MYT1L: variants seen among roughly 807,000 people sequenced by gnomAD.
MYT1L encodes the protein myelin transcription factor 1-like protein.
In MYT1L, 12 loss-of-function variants were observed where a neutral mutation model predicts 126.7. The ratio of observed to expected loss-of-function variants is 0.09; its 90% CI spans 0.06 to 0.15. The LOEUF (loss-of-function observed/expected upper bound fraction) is 0.15, where lower values mean the gene tolerates loss of function less well. MYT1L is among the 10% of genes least tolerant of loss of function. The pLI, the probability that MYT1L is intolerant of heterozygous loss-of-function variation, is 1.00. For missense variants in MYT1L, 979 were observed against 1,585.2 expected (o/e 0.62, Z 6.49); for synonymous variants, 541 against 604.2 (o/e 0.90, Z 1.53).
intron 3 of MYT1L, among the ~76,000 whole-genome samples, chr2:2,057,015 C>T (rs1002953883): frequency 6.6e-6 from 1 of 152,222 alleles, no homozygotes; most frequent in South Asian, 2.1e-4. Context: ...ATGCACCCGT[C>T]TCAGTGTCCG....
In MYT1L at chr2:1,839,665, G is replaced by A. The variant is rs192442254; in HGVS notation, c.2859-295C>T. Among the ~76,000 whole-genome samples the A allele has an allele frequency of 1.9e-4, 29 of 152,330 alleles. No homozygotes were observed. In the East Asian group the frequency reaches 3.3e-3, roughly 17 times the overall value. On this transcript the variant is annotated intron_variant, in intron 20 of 24. Transcript: ENST00000647738. Reference sequence around the variant, plus strand: ...ATGGGTTCAGCACACAAAAGACCACGCAGGCACATGCAGCTACACAAGCGT... The same window carrying A: ...ATGGGTTCAGCACACAAAAGACCACACAGGCACATGCAGCTACACAAGCGT...
At chr2:2,223,487 A>T (rs2093932562) in intron 2 of MYT1L, among the ~76,000 whole-genome samples, 1 of 152,180 alleles carries the variant, frequency 6.6e-6, no homozygotes, top group Non-Finnish European at 1.5e-5. Context: ...ACTGTCCAAC[A>T]TTTTGTTGTT....
At chr2:2,099,232 T>G (rs1339572272) in intron 3 of MYT1L, among the ~76,000 whole-genome samples, 1 of 152,212 alleles carries the variant, frequency 6.6e-6, no homozygotes, top group Non-Finnish European at 1.5e-5. Context: ...GTACTGATTT[T>G]GTTTTCTCAG....
intron 10 of MYT1L, among the ~76,000 whole-genome samples, chr2:1,918,511 T>A (rs1224254065): frequency 6.6e-6 from 1 of 152,228 alleles, no homozygotes; most frequent in Non-Finnish European, 1.5e-5. Context: ...AGTTAAGAAT[T>A]CACTTTATAT....
intron 3 of MYT1L, among the ~76,000 whole-genome samples, chr2:2,065,575 G>A (rs148048673): frequency 1.1e-4 from 17 of 151,980 alleles, no homozygotes; most frequent in African/African-American, 3.6e-4. Context: ...TCAGTAACCC[G>A]GCATGGTTTC....
chr2:1,857,724 A>G (rs1406751847), intron 18 of MYT1L, among the ~76,000 whole-genome samples: 3 of 152,232 alleles, frequency 2.0e-5, no homozygotes, highest in Non-Finnish European at 4.4e-5. Context: ...GGCCACGTGA[A>G]TAAGCCTTTG....
chr2:1,892,506 CTTT>C (rs5828877), intron 14 of MYT1L, among the ~76,000 whole-genome samples: 10 of 134,244 alleles, frequency 7.4e-5, no homozygotes, highest in Admixed American at 7.4e-5. Flanking sequence ...TTCCTTTTTC[CTTT>C]TTTTTTTTTT....
chr2:2,261,490 C>G (rs1647514833), intron 2 of MYT1L, among the ~76,000 whole-genome samples: 1 of 152,166 alleles, frequency 6.6e-6, no homozygotes. Context: ...TTAGTCCTCC[C>G]CCCTGTTAGG....
At chr2:2,004,290 C>T (rs1013352740) in intron 4 of MYT1L, among the ~76,000 whole-genome samples, 33 of 139,274 alleles carry the variant, frequency 2.4e-4, no homozygotes, top group Admixed American at 4.3e-4. Flanking sequence ...TTCCTGCATG[C>T]GTTCTTTCCT....
chr2:1,968,757 C>T (rs184299335), intron 8 of MYT1L, among the ~76,000 whole-genome samples: 15 of 152,308 alleles, frequency 9.8e-5, no homozygotes, highest in Admixed American at 2.6e-4. Flanking sequence ...TGGCTCCTCA[C>T]TGGGCTCTCT....
intron 3 of MYT1L, among the ~76,000 whole-genome samples, chr2:2,068,105 A>T (rs185264011): frequency 1.3e-5 from 2 of 152,204 alleles, no homozygotes. Flanking sequence ...ACGTGAAAGA[A>T]CCTGAGGAAT....
intron 3 of MYT1L, among the ~76,000 whole-genome samples, chr2:2,081,784 G>A (rs1316573572): frequency 6.6e-6 from 1 of 152,054 alleles, no homozygotes; most frequent in Non-Finnish European, 1.5e-5. Context: ...CTGTCGCCCA[G>A]GCTGGAGTGC....
chr2:2,260,362 C>T (rs2149273424), intron 2 of MYT1L, among the ~76,000 whole-genome samples: 1 of 152,278 alleles, frequency 6.6e-6, no homozygotes, highest in Middle Eastern at 3.4e-3. Context: ...GACTTCGTGC[C>T]TATTATTATA....
Position 1,979,117 on chromosome 2 carries a change from T to G in MYT1L, c.152+48A>C. ...TCATCATCAGGACTGGGTCCCCAAA[T>G]AAGTCACTTTAGACAGCACATTGTG... On this transcript the variant is annotated intron_variant, in intron 8 of 24. Transcript: ENST00000647738. The surrounding 1 kb of genome is among the most constrained non-coding windows in gnomAD (Gnocchi z 4.0). 6.6e-7 allele frequency: 1 copy of G among 1,513,730 alleles called. No homozygotes were observed. The highest frequency in any genetic ancestry group is 9.1e-7 in the Non-Finnish European group (1 of 1,098,322). 93.8% of individuals were successfully genotyped at this position (1,513,730 alleles called of 1,614,324 possible). A position where few individuals can be genotyped will look rare whatever the true frequency, so the allele number is the denominator to read the frequency against.
chr2:2,074,339 G>C lies in MYT1L; in HGVS notation c.-303-20216C>G, dbSNP rs1478187316. On this transcript the variant is annotated intron_variant, in intron 3 of 24. Transcript: ENST00000647738. ...TCAATAGAAAAGACACTCTACTGAA[G>C]TTTTCTAACCAAACTGACTGGCTGC... Among the ~76,000 whole-genome samples, 4 of 152,316 alleles carry C rather than the reference G, an allele frequency of 2.6e-5. No homozygotes were observed. In the East Asian group the frequency reaches 7.7e-4, roughly 29 times the overall value.
chr2:1,841,110 T>A, intron 19 of MYT1L: 1 of 314,024 alleles, frequency 3.2e-6, no homozygotes, highest in Non-Finnish European at 5.9e-6. Context: ...TTTCACCGTG[T>A]TAGCCAGGAT....
intron 5 of MYT1L, among the ~76,000 whole-genome samples, chr2:1,985,609 C>T (rs893065678): frequency 5.3e-5 from 8 of 152,330 alleles, no homozygotes; most frequent in African/African-American, 1.9e-4. Flanking sequence ...ATGACAACAA[C>T]ACGTATTATC....
At chr2:1,987,409 C>T (rs988278753) in intron 5 of MYT1L, among the ~76,000 whole-genome samples, 22 of 151,590 alleles carry the variant, frequency 1.5e-4, no homozygotes, top group Admixed American at 2.6e-4. Context: ...CCTCAGATGG[C>T]CGGAGTGGAG....
At chr2:2,144,811 G>A (rs551880893) in intron 3 of MYT1L, among the ~76,000 whole-genome samples, 16 of 152,186 alleles carry the variant, frequency 1.1e-4, no homozygotes, top group East Asian at 1.9e-4. Context: ...ATCTTTCTGC[G>A]GCTCTCATCA....
Sources: gnomAD v4.1 joint callset for allele counts (sites outside exome capture counted in the v4.1 genomes callset) on GRCh38, gnomAD v4.1.1 for gene constraint, Gnocchi (gnomAD v3.1) non-coding constraint, MANE v1.5 for transcripts, NCBI Gene and HGNC (gene_info 2026-07-23, HGNC 2026-07-21) for gene names.